The following SNED1 variants were observed in gnomAD, a reference collection of about 807,000 sequenced individuals.
The protein encoded by SNED1 is sushi, nidogen and EGF like domains 1.
Under a neutral mutation model 166.7 loss-of-function variants are expected in SNED1, and 81 were observed. That is an observed-to-expected ratio of 0.49 (90% confidence interval 0.41 to 0.58). The LOEUF is 0.58. Ranked by LOEUF, SNED1 falls within the 20% of genes least tolerant of loss-of-function variation. The pLI, the probability that SNED1 is intolerant of heterozygous loss-of-function variation, is 0.00. For missense variants in SNED1, 1,604 were observed against 2,000.2 expected (o/e 0.80, Z 3.78); for synonymous variants, 762 against 822.0 (o/e 0.93, Z 1.25).
intron 14 of SNED1, 49 bp from the exon 15 acceptor site, chr2:241,052,306 G>A (rs368856532): frequency 1.1e-5 from 17 of 1,513,852 alleles, no homozygotes; most frequent in Admixed American, 3.6e-5. Flanking sequence ...ACACAGTCCC[G>A]AGCCTTCAGG....
chr2:240,999,029 T>C lies in SNED1; in HGVS notation c.192T>C (p.Gly64=), dbSNP rs2059997121. The C allele has an allele frequency of 1.5e-6, 2 of 1,322,762 alleles. No individual in the cohort carries two copies. Among genetic ancestry groups the C allele is most frequent in the Admixed American group, 3.4e-5 (1 of 29,626 alleles). 81.9% of individuals were successfully genotyped at this position (1,322,762 alleles called of 1,614,324 possible). Residue 64 remains glycine, a synonymous_variant, in exon 1 of 32, where the codon GGT becomes GGC. Coordinates refer to ENST00000310397, the MANE Select transcript of SNED1 (RefSeq NM_001080437.3). This position sits in a 1 kb window ranked among gnomAD's most constrained non-coding sequence, Gnocchi z 5.8. ...TCTCGGTGCCCTTCCCGTTCTTCGG[T>C]GCCGAGCACTCCGGACTCTACGTGA... ...RPLSVPFPFF[G]AEHSGLYVNN...
chr2:241,060,855 C>T (rs142820978), intron 16 of SNED1, among the ~76,000 whole-genome samples: 110 of 152,050 alleles, frequency 7.2e-4, no homozygotes, highest in Admixed American at 1.4e-3. Flanking sequence ...CACTTGAAAC[C>T]GGAGTTCAAA....
At chr2:241,037,651 G>A (rs1488321885) in intron 6 of SNED1, among the ~76,000 whole-genome samples, 1 of 152,244 alleles carries the variant, frequency 6.6e-6, no homozygotes, top group Non-Finnish European at 1.5e-5. Flanking sequence ...CAGGATCAGG[G>A]TCAGACAGGC....
intron 16 of SNED1, among the ~76,000 whole-genome samples, chr2:241,054,482 C>G (rs1045997202): frequency 6.6e-6 from 1 of 151,842 alleles, no homozygotes; most frequent in African/African-American, 2.4e-5. Flanking sequence ...GGCAGGAGAT[C>G]ACTTGAACCT....
chr2:241,067,065 A>G (rs1271249611), intron 21 of SNED1, among the ~76,000 whole-genome samples: 1 of 152,230 alleles, frequency 6.6e-6, no homozygotes, highest in Non-Finnish European at 1.5e-5. Flanking sequence ...AGCACCTGCA[A>G]GGCCGCCCCA....
rs569590943 is a variant in SNED1, at chr2:241,069,701, C to T, written c.3308-219C>T. Among the ~76,000 whole-genome samples, 30 of 152,144 alleles carry T rather than the reference C, an allele frequency of 2.0e-4. No individual in the cohort carries two copies. Among genetic ancestry groups the T allele is most frequent in the African/African-American group, 4.6e-4 (19 of 41,522 alleles). On this transcript the variant is annotated intron_variant, in intron 23 of 31. Transcript: ENST00000310397. This position sits in a 1 kb window ranked among gnomAD's most constrained non-coding sequence, Gnocchi z 4.9. ...GGGCTTCACAGGGTGGATCCTAACC[C>T]GAGGGGAGGGTGGCAACCAGGGGCC...
At chr2:241,039,945 C>A (rs1358851651) in intron 6 of SNED1, 130 bp from the exon 7 acceptor site, 1 of 723,472 alleles carries the variant, frequency 1.4e-6, no homozygotes, top group East Asian at 2.7e-5. Flanking sequence ...CGCTCAGAAA[C>A]CTGCCTGCCA....
chr2:241,070,973 TTC>T (rs1160710393), intron 24 of SNED1, among the ~76,000 whole-genome samples: 1 of 152,050 alleles, frequency 6.6e-6, no homozygotes, highest in African/African-American at 2.4e-5. Context: ...GCTTGCCGAG[TTC>T]TCAGACCCAA....
chr2:241,000,008 C>A (rs1011839109), intron 1 of SNED1, among the ~76,000 whole-genome samples: 2 of 152,156 alleles, frequency 1.3e-5, no homozygotes, highest in Non-Finnish European at 2.9e-5. Context: ...CAGCCTCAAC[C>A]CACTGCCAGC....
intron 29 of SNED1, among the ~76,000 whole-genome samples, chr2:241,086,610 T>C (rs536663993): frequency 6.6e-6 from 1 of 152,360 alleles, no homozygotes; most frequent in East Asian, 1.9e-4. Context: ...TCCAGTTCTC[T>C]GGTTGTTCAC....
At chr2:241,030,005 CT>C (rs2061115002) in intron 1 of SNED1, among the ~76,000 whole-genome samples, 1 of 152,224 alleles carries the variant, frequency 6.6e-6, no homozygotes, top group African/African-American at 2.4e-5. Context: ...TTCCTACCCC[CT>C]ATAGCAGCCA....
At chr2:241,071,335 G>GAGGACAC in intron 24 of SNED1, 1 of 589,126 alleles carries the variant, frequency 1.7e-6, no homozygotes, top group Non-Finnish European at 3.0e-6. Flanking sequence ...CCAGGCCAGT[G>GAGGACAC]CACGCCTGTG....
intron 1 of SNED1, among the ~76,000 whole-genome samples, chr2:241,003,344 G>A (rs1457388902): frequency 6.6e-6 from 1 of 152,190 alleles, no homozygotes; most frequent in Non-Finnish European, 1.5e-5. Flanking sequence ...TGGTGGTGGT[G>A]CCCTGGTGAA....
chr2:241,082,086 C>T lies in SNED1; in HGVS notation c.4034-191C>T, dbSNP rs113835492. ...CGGTGTCAGGAGAAGGGACTCTCCACCCCCACAATACCAACCCACCCCGGC... is the reference window on the plus strand; with the variant it reads ...CGGTGTCAGGAGAAGGGACTCTCCATCCCCACAATACCAACCCACCCCGGC... On this transcript the variant is annotated intron_variant, in intron 28 of 31. Coordinates refer to ENST00000310397, the MANE Select transcript of SNED1 (RefSeq NM_001080437.3). Among the ~76,000 whole-genome samples, 1,229 of 152,220 alleles carry T rather than the reference C, an allele frequency of 8.1e-3. 6 individuals carry two copies. Among genetic ancestry groups the T allele is most frequent in the Middle Eastern group, 0.034 (10 of 294 alleles).
chr2:241,085,192 AT>A, intron 29 of SNED1, among the ~76,000 whole-genome samples: 1 of 152,036 alleles, frequency 6.6e-6, no homozygotes, highest in East Asian at 1.9e-4. Flanking sequence ...ATTTCTTCAT[AT>A]ATTTTTCCTG....
In SNED1 at chr2:241,049,019, T is replaced by C. The variant is rs766968311; in HGVS notation, c.1505-3T>C. On this transcript the variant is annotated splice_region_variant and splice_polypyrimidine_tract_variant and intron_variant, in intron 10 of 31. Coordinates refer to ENST00000310397, the MANE Select transcript of SNED1 (RefSeq NM_001080437.3). Reference sequence around the variant, plus strand: ...GGGATGGGGCTTCCTCCTTTCTCTCTAGAAATCACAGCCATGCCCTGCAAC... The same window carrying C: ...GGGATGGGGCTTCCTCCTTTCTCTCCAGAAATCACAGCCATGCCCTGCAAC... 8.7e-6 allele frequency: 14 copies of C among 1,609,498 alleles called. 1 individual carries two copies. The African/African-American group carries it at 1.2e-4, about 14-fold the overall frequency.
In SNED1 at chr2:241,082,429, G is replaced by T. The variant is rs560210839; in HGVS notation, c.4121+65G>T. ...TGTGTTCTTGACTCCTCAAAGTGCT[G>T]TCTCAAAGCTACCCAGCTAACCCTG... On this transcript the variant is annotated intron_variant, in intron 29 of 31. Coordinates refer to ENST00000310397, the MANE Select transcript of SNED1 (RefSeq NM_001080437.3). The T allele has an allele frequency of 5.6e-5, 71 of 1,274,092 alleles. No homozygotes were observed. In the African/African-American group the frequency reaches 9.2e-4, roughly 16 times the overall value. 78.9% of individuals were successfully genotyped at this position (1,274,092 alleles called of 1,614,324 possible).
At chr2:241,055,721 A>T (rs934966475) in intron 16 of SNED1, among the ~76,000 whole-genome samples, 2 of 152,250 alleles carry the variant, frequency 1.3e-5, no homozygotes, top group African/African-American at 4.8e-5. Context: ...CTCAGCACCT[A>T]CCAGGTCTCA....
At chr2:241,056,535 A>G (rs2062044706) in intron 16 of SNED1, among the ~76,000 whole-genome samples, 1 of 152,058 alleles carries the variant, frequency 6.6e-6, no homozygotes, top group Admixed American at 6.6e-5. Context: ...CAGATCAGAG[A>G]GAAAAAATAA....
Sources: allele counts gnomAD v4.1 joint callset (sites outside exome capture counted in the v4.1 genomes callset), GRCh38; gene constraint gnomAD v4.1.1; non-coding constraint Gnocchi (gnomAD v3.1); transcripts MANE v1.5; gene names NCBI Gene and HGNC (gene_info 2026-07-23, HGNC 2026-07-21).